The following FAM184A variants were observed in gnomAD, a reference collection of about 807,000 sequenced individuals.
The protein encoded by FAM184A is protein FAM184A.
In FAM184A, 99 loss-of-function variants were observed where a neutral mutation model predicts 143.8. The ratio of observed to expected loss-of-function variants is 0.69; its 90% CI spans 0.58 to 0.81. The LOEUF is 0.81. Ranked by LOEUF, FAM184A falls within the 40% of genes least tolerant of loss-of-function variation. The probability of loss-of-function intolerance (pLI) is 0.00; values close to 1 mark genes in which losing one functional copy is unlikely to be tolerated. For synonymous variants in FAM184A, 427 were observed against 446.4 expected, an observed-to-expected ratio of 0.96 and a Z score of 0.55; for missense variants, 1,217 against 1,310.5, an observed-to-expected ratio of 0.93 and a Z score of 1.10.
chr6:119,142,878 A>G (rs1772293959), intron 1 of FAM184A, among the ~76,000 whole-genome samples: 1 of 152,228 alleles, frequency 6.6e-6, no homozygotes, highest in South Asian at 2.1e-4. Flanking sequence ...CTGACCGGAT[A>G]AAATGAGGGA....
At chr6:118,970,864 A>G (rs1012147142) in intron 14 of FAM184A, among the ~76,000 whole-genome samples, 2 of 152,238 alleles carry the variant, frequency 1.3e-5, no homozygotes, top group African/African-American at 4.8e-5. Context: ...TCTGTGATTC[A>G]TGGACAACAG....
At position 119,100,188 on chromosome 6, in the gene FAM184A, C is replaced by T. The variant is rs562570603; in HGVS notation, c.-202+48890G>A. Among the ~76,000 whole-genome samples, 5 of 152,108 alleles carry T rather than the reference C, an allele frequency of 3.3e-5. No homozygotes were observed. The South Asian group carries it at 1.0e-3, about 32-fold the overall frequency. ...AGAAACTGAGTTTATTTTTTTTCTA[C>T]ACAGAGGTGATCCCAGGAACTATGG... On this transcript the variant is annotated intron_variant, in intron 1 of 16. Transcript: ENST00000352896.
At chr6:118,994,649 G>A (rs986853242) in intron 9 of FAM184A, among the ~76,000 whole-genome samples, 2 of 151,336 alleles carry the variant, frequency 1.3e-5, no homozygotes, top group Non-Finnish European at 2.9e-5. Context: ...TTGCACCACT[G>A]CACTCCAGCC....
intron 1 of FAM184A, among the ~76,000 whole-genome samples, chr6:119,034,039 T>TAGAGAG (rs1429011983): frequency 6.3e-4 from 19 of 30,274 alleles, no homozygotes; most frequent in African/African-American, 2.2e-3. Flanking sequence ...TATATATATA[T>TAGAGAG]ATAGAGAGAG....
At chr6:118,969,993 A>ATAATATATATATATATATATATAT (rs1189865476) in intron 14 of FAM184A, among the ~76,000 whole-genome samples, 1 of 24,382 alleles carries the variant, frequency 4.1e-5, no homozygotes, top group African/African-American at 1.4e-4. Flanking sequence ...ATATATATAT[A>ATAATATATATATATATATATATAT]ATATATATAT....
intron 1 of FAM184A, among the ~76,000 whole-genome samples, chr6:119,096,774 C>G (rs1453556817): frequency 6.6e-6 from 1 of 152,088 alleles, no homozygotes; most frequent in African/African-American, 2.4e-5. Flanking sequence ...CTTGAACACA[C>G]TTTTGTCTCT....
chr6:119,052,211 C>A (rs1009716194), intron 1 of FAM184A, among the ~76,000 whole-genome samples: 1 of 152,176 alleles, frequency 6.6e-6, no homozygotes, highest in African/African-American at 2.4e-5. Flanking sequence ...ATATAGACAC[C>A]TACATTCTAT....
chr6:119,000,285 G>C (rs1016151139), intron 9 of FAM184A, among the ~76,000 whole-genome samples: 2 of 152,210 alleles, frequency 1.3e-5, no homozygotes, highest in Non-Finnish European at 2.9e-5. Flanking sequence ...TCCTTGGATA[G>C]AGTTGAAGAA....
chr6:118,961,147 T>C (rs1027642678), intron 17 of FAM184A, among the ~76,000 whole-genome samples: 5 of 152,120 alleles, frequency 3.3e-5, no homozygotes, highest in African/African-American at 1.2e-4. Context: ...ATCTAATGGC[T>C]AAATTTCTAA....
intron 1 of FAM184A, among the ~76,000 whole-genome samples, chr6:119,091,278 G>A (rs562036761): frequency 6.6e-5 from 10 of 152,292 alleles, no homozygotes; most frequent in East Asian, 5.8e-4. Flanking sequence ...CAAGTGGGTC[G>A]CTGGGTATGA....
intron 1 of FAM184A, among the ~76,000 whole-genome samples, chr6:119,084,082 A>G (rs1304733823): frequency 1.4e-5 from 2 of 147,970 alleles, no homozygotes; most frequent in Non-Finnish European, 3.0e-5. Context: ...GGCAGGAGAG[A>G]GAGAGAGAGA....
Position 119,024,790 on chromosome 6 carries a change from T to C in FAM184A, c.183A>G (p.Lys61=). The C allele has an allele frequency of 6.2e-7, 1 of 1,609,504 alleles. No individual in the cohort carries two copies. Among genetic ancestry groups the C allele is most frequent in the South Asian group, 1.1e-5 (1 of 90,412 alleles). The change falls in exon 2 of 18, where the codon AAA becomes AAG. Residue 61 remains lysine, a synonymous_variant. Transcript: ENST00000338891. The part of the protein sequence containing the change: ...LTKVIYALNT[K]NDEHESAIQA... ...GAATTGCAGATTCATGCTCATCATT[T>C]TTAGTGTTTAAAGCATATATTACCT...
chr6:119,029,580 G>C (rs1029939980), intron 1 of FAM184A, among the ~76,000 whole-genome samples: 3 of 152,106 alleles, frequency 2.0e-5, no homozygotes, highest in Non-Finnish European at 4.4e-5. Context: ...GAGGATATTA[G>C]AGACCCTAAA....
intron 14 of FAM184A, among the ~76,000 whole-genome samples, chr6:118,972,489 T>A (rs1160054996): frequency 1.3e-5 from 2 of 151,902 alleles, no homozygotes; most frequent in African/African-American, 4.8e-5. Flanking sequence ...AAGTTTCTGG[T>A]GAAAAAAGAA....
chr6:119,134,708 C>T (rs1789618175), intron 1 of FAM184A, among the ~76,000 whole-genome samples: 1 of 151,146 alleles, frequency 6.6e-6, no homozygotes, highest in African/African-American at 2.4e-5. Context: ...TGTATCACTT[C>T]TTATCATAAA....
chr6:119,054,726 C>T (rs1786893693), intron 1 of FAM184A, among the ~76,000 whole-genome samples: 1 of 152,052 alleles, frequency 6.6e-6, no homozygotes, highest in Non-Finnish European at 1.5e-5. Context: ...CTAAGTGGCC[C>T]ACCAAATCTG....
At chr6:119,091,183 G>A (rs1269291264) in intron 1 of FAM184A, among the ~76,000 whole-genome samples, 1 of 152,160 alleles carries the variant, frequency 6.6e-6, no homozygotes, top group Admixed American at 6.5e-5. Flanking sequence ...CCTACCACCA[G>A]TAAAAATTTA....
At chr6:119,002,335 G>T (rs1333872567) in intron 9 of FAM184A, among the ~76,000 whole-genome samples, 4 of 152,118 alleles carry the variant, frequency 2.6e-5, no homozygotes, top group Non-Finnish European at 1.5e-5. Flanking sequence ...GAGTGAAAAT[G>T]TGCAAATTCT....
At chr6:119,130,839 G>A (rs1789515073) in intron 1 of FAM184A, among the ~76,000 whole-genome samples, 1 of 149,738 alleles carries the variant, frequency 6.7e-6, no homozygotes, top group African/African-American at 2.5e-5. Flanking sequence ...GTCCTGCTCA[G>A]AATTGTATTT....
Sources: allele counts gnomAD v4.1 joint callset (sites outside exome capture counted in the v4.1 genomes callset), GRCh38; gene constraint gnomAD v4.1.1; transcripts MANE v1.5; gene names NCBI Gene and HGNC (gene_info 2026-07-23, HGNC 2026-07-21).